The following FABP7 variants were observed in gnomAD, a reference collection of about 807,000 sequenced individuals.
FABP7 encodes the protein fatty acid binding protein 7.
A neutral mutation model predicts 14.2 loss-of-function variants in FABP7; 13 were observed. The observed-to-expected ratio is 0.91, with a 90% CI of 0.59 to 1.45. The LOEUF is 1.45. FABP7 is among the 40% of genes most tolerant of loss of function. The probability of loss-of-function intolerance (pLI) is 0.00; values close to 1 mark genes in which losing one functional copy is unlikely to be tolerated. For missense variants in FABP7, 149 were observed against 157.6 expected (o/e 0.95, Z 0.29); for synonymous variants, 49 against 51.4 (o/e 0.95, Z 0.20).
the FABP7 span, among the ~76,000 whole-genome samples, chr6:122,756,313 C>T: frequency 3.9e-5 from 6 of 152,166 alleles, no homozygotes; most frequent in Non-Finnish European, 5.9e-5. Context: ...TTTTTCCCAC[C>T]ACCCTGATTG....
At chr6:122,781,758 T>TTTTTGG (rs1780793669) in intron 3 of FABP7, 1 of 803,862 alleles carries the variant, frequency 1.2e-6, no homozygotes, top group African/African-American at 2.0e-5. Flanking sequence ...TTTTTTTTTT[T>TTTTTGG]GAGATAAAGT....
chr6:122,781,398 CTTT>C (rs1222042966), intron 3 of FABP7: 13 of 1,417,414 alleles, frequency 9.2e-6, no homozygotes, highest in Admixed American at 2.8e-5. Flanking sequence ...AGCTCAACTT[CTTT>C]GATTGTAGAA....
intron 3 of FABP7, 51 bp downstream of exon 3, chr6:122,781,245 C>T: frequency 1.3e-6 from 2 of 1,588,132 alleles, no homozygotes; most frequent in Non-Finnish European, 1.7e-6. Flanking sequence ...CCTCTCCGCA[C>T]ACCTCTCACC....
chr6:122,773,657 T>C, the FABP7 span, among the ~76,000 whole-genome samples: 2 of 152,232 alleles, frequency 1.3e-5, no homozygotes, highest in African/African-American at 2.4e-5. Context: ...AAATACTTTG[T>C]TATTTAATTT....
At chr6:122,764,657 G>C in the FABP7 span, among the ~76,000 whole-genome samples, 1 of 152,254 alleles carries the variant, frequency 6.6e-6, no homozygotes, top group South Asian at 2.1e-4. Context: ...GATGTTGTAA[G>C]TCAAAACGAT....
chr6:122,783,720 C>T lies in FABP7; in HGVS notation c.352C>T (p.Leu118Phe), dbSNP rs541037657. ...EIKDGKMVMT[L>F]TFGDVVAVRH... ...GATTATCTTTTGAACCTTGCAGACC[C>T]TTACTTTTGGTGATGTGGTTGCTGT... is the stretch of plus-strand genomic sequence containing the variant. Residue 118 changes from leucine to phenylalanine, a missense_variant, in exon 4 of 4, where the codon CTT becomes TTT. Coordinates refer to ENST00000368444, the MANE Select transcript of FABP7 (RefSeq NM_001446.5). The T allele has an allele frequency of 6.9e-6, 11 of 1,604,104 alleles. No individual in the cohort carries two copies. The highest frequency in any genetic ancestry group is 6.8e-5 in the East Asian group (3 of 44,442).
At chr6:122,756,803 A>G in the FABP7 span, among the ~76,000 whole-genome samples, 1 of 152,198 alleles carries the variant, frequency 6.6e-6, no homozygotes, top group Non-Finnish European at 1.5e-5. Flanking sequence ...ACTTCTCATC[A>G]GCACTTGACA....
chr6:122,758,360 G>A, the FABP7 span, among the ~76,000 whole-genome samples: 1 of 151,990 alleles, frequency 6.6e-6, no homozygotes, highest in Non-Finnish European at 1.5e-5. Context: ...CGCCCACCTT[G>A]GCCTCCCAGT....
At chr6:122,750,098 TTAAA>T in the FABP7 span, among the ~76,000 whole-genome samples, 1 of 152,188 alleles carries the variant, frequency 6.6e-6, no homozygotes, top group African/African-American at 2.4e-5. Context: ...TTTTTAAAAA[TTAAA>T]TAAAAACCTT....
upstream of FABP7, among the ~76,000 whole-genome samples, chr6:122,775,560 T>C (rs915235620): frequency 2.6e-5 from 4 of 152,120 alleles, no homozygotes; most frequent in African/African-American, 9.7e-5. Flanking sequence ...ATGAAACTAC[T>C]ACCAGAAAAC....
At chr6:122,780,633 C>T (rs758088165) in intron 2 of FABP7, 170 bp downstream of exon 2, 5 of 690,366 alleles carry the variant, frequency 7.2e-6, no homozygotes, top group Non-Finnish European at 1.2e-5. Context: ...ATATTTTGAA[C>T]AATGGGTACT....
the FABP7 span, among the ~76,000 whole-genome samples, chr6:122,762,213 C>T: frequency 6.6e-6 from 1 of 152,174 alleles, no homozygotes; most frequent in Admixed American, 6.5e-5. Context: ...GGCTTCATCC[C>T]TGGGATGCAA....
chr6:122,754,088 C>T, the FABP7 span, among the ~76,000 whole-genome samples: 1 of 152,034 alleles, frequency 6.6e-6, no homozygotes, highest in African/African-American at 2.4e-5. Flanking sequence ...GCCTTAGGTT[C>T]CCTGCCTTCA....
chr6:122,749,522 C>A, the FABP7 span, among the ~76,000 whole-genome samples: 14 of 152,068 alleles, frequency 9.2e-5, no homozygotes, highest in Admixed American at 8.5e-4. Context: ...GTCCGATGCT[C>A]CAAAATGGAA....
intron 3 of FABP7, chr6:122,781,395 CTTCT>C (rs1165081818): frequency 3.9e-5 from 55 of 1,424,918 alleles, no homozygotes; most frequent in Non-Finnish European, 4.9e-5. Context: ...TTCAGCTCAA[CTTCT>C]TTGATTGTAG....
the FABP7 span, among the ~76,000 whole-genome samples, chr6:122,749,536 C>T: frequency 3.3e-5 from 5 of 152,108 alleles, no homozygotes; most frequent in East Asian, 1.9e-4. Context: ...AATGGAATAA[C>T]GTGACTTATA....
chr6:122,767,335 T>C, the FABP7 span, among the ~76,000 whole-genome samples: 1 of 152,080 alleles, frequency 6.6e-6, no homozygotes. Flanking sequence ...TTTCCGGTTA[T>C]TAGGACTGTC....
rs146035139 is a variant in FABP7, at chr6:122,780,293, G to A, written c.76G>A (p.Val26Met). The A allele has an allele frequency of 2.5e-5, 41 of 1,613,978 alleles. No homozygotes were observed. The highest frequency in any genetic ancestry group is 2.7e-5 in the Non-Finnish European group (32 of 1,179,978). ...NFDEYMKALG[V>M]GFATRQVGNV... ...TACTGTTCCCTTTGCTATTTTAGGC[G>A]TGGGCTTTGCCACTAGGCAGGTGGG... The change falls in exon 2 of 4, where the codon GTG becomes ATG. Residue 26 changes from valine to methionine, a missense_variant and splice_region_variant. Physicochemically the swap from Val to Met is conservative, Grantham distance 21. Coordinates refer to ENST00000368444, the MANE Select transcript of FABP7 (RefSeq NM_001446.5).
At chr6:122,752,082 C>T in the FABP7 span, among the ~76,000 whole-genome samples, 23 of 151,982 alleles carry the variant, frequency 1.5e-4, no homozygotes, top group Non-Finnish European at 4.4e-5. Flanking sequence ...CTAACCCCAC[C>T]ACCATCTCCC....
Sources: allele counts gnomAD v4.1 joint callset (sites outside exome capture counted in the v4.1 genomes callset), GRCh38; gene constraint gnomAD v4.1.1; transcripts MANE v1.5; gene names NCBI Gene and HGNC (gene_info 2026-07-23, HGNC 2026-07-21).